Variants in MYO9B observed in about 807,000 individuals in gnomAD.
MYO9B encodes the protein unconventional myosin-IXb.
A neutral mutation model predicts 229.5 loss-of-function variants in MYO9B; 71 were observed. The observed-to-expected ratio is 0.31, with a 90% CI of 0.26 to 0.38. The LOEUF is 0.38. Ranked by LOEUF, MYO9B falls within the 10% of genes least tolerant of loss-of-function variation. The pLI, the probability that MYO9B is intolerant of heterozygous loss-of-function variation, is 1.00. For synonymous variants in MYO9B, 1,185 were observed against 1,235.8 expected, an observed-to-expected ratio of 0.96 and a Z score of 0.86; for missense variants, 2,255 against 2,920.5, an observed-to-expected ratio of 0.77 and a Z score of 5.25.
In MYO9B at chr19:17,159,489, G is replaced by T; in HGVS notation, c.1419+5G>T. ...CTTCCCTACAGCCTCAGCGAGGTGA[G>T]CTCTGCCCAGGCACTCACAGGGTGC... is the stretch of plus-strand genomic sequence containing the variant. On this transcript the variant is annotated splice_donor_5th_base_variant and intron_variant, in intron 8 of 39. Coordinates refer to ENST00000682292, the MANE Select transcript of MYO9B (RefSeq NM_004145.4). The T allele has an allele frequency of 6.2e-7, 1 of 1,604,582 alleles. No homozygotes were observed.
rs144050826 is a variant in MYO9B, at chr19:17,187,899, A to G, written c.2578-36A>G. On this transcript the variant is annotated intron_variant, in intron 18 of 39. Coordinates refer to ENST00000682292, the MANE Select transcript of MYO9B (RefSeq NM_004145.4). ...CAGACTTGGGCATCCTGTCAGGTCAAGGCCACCTGCCTGATGTCTCGCATT... is the reference window on the plus strand; with the variant it reads ...CAGACTTGGGCATCCTGTCAGGTCAGGGCCACCTGCCTGATGTCTCGCATT... 2,140 of 1,541,162 alleles carry G rather than the reference A, an allele frequency of 1.4e-3. 8 individuals carry two copies. The highest frequency in any genetic ancestry group is 9.1e-3 in the Middle Eastern group (50 of 5,520).
intron 3 of MYO9B, 131 bp from the exon 4 acceptor site, chr19:17,152,513 A>G (rs2072489447): frequency 3.0e-6 from 2 of 660,746 alleles, no homozygotes; most frequent in African/African-American, 3.8e-5. Context: ...CAGTGAGCCG[A>G]GATTGTGCCG....
Position 17,114,507 on chromosome 19 carries a change from G to C in MYO9B, c.840+11950G>C, listed in dbSNP as rs554260333. Among the ~76,000 whole-genome samples the C allele has an allele frequency of 3.7e-3, 569 of 151,998 alleles. 3 individuals are homozygous for C. The highest frequency in any genetic ancestry group is 5.9e-3 in the Non-Finnish European group (402 of 67,888). On this transcript the variant is annotated intron_variant, in intron 2 of 39. Coordinates refer to ENST00000682292, the MANE Select transcript of MYO9B (RefSeq NM_004145.4). Reference sequence around the variant, plus strand: ...TGAGGATCTGGCTTTCCAAGAGCCTGCTCTTCCAGGTGCACTGAGTGACGT... The same window carrying C: ...TGAGGATCTGGCTTTCCAAGAGCCTCCTCTTCCAGGTGCACTGAGTGACGT...
Position 17,212,262 on chromosome 19 carries a change from TC to T in MYO9B, c.6431del (p.Pro2144GlnfsTer19). The T allele has an allele frequency of 6.4e-7, 1 of 1,568,312 alleles. No homozygotes were observed. The highest frequency in any genetic ancestry group is 8.6e-7 in the Non-Finnish European group (1 of 1,163,062). The stretch of plus-strand genomic sequence containing the variant: ...CTGGGGCCAAGCGGAGGTACTCGGA[TC>T]CCCCAACGTACTGCCTGCCCCCCGC... ...PPGAKRRYSD[P>X]PTYCLPPASG... is the part of the protein sequence containing the mutation. On this transcript the variant is annotated frameshift_variant, in exon 40 of 40. Coordinates refer to ENST00000682292, the MANE Select transcript of MYO9B (RefSeq NM_004145.4). LOFTEE classifies it high-confidence loss of function. This position sits in a 1 kb window ranked among gnomAD's most constrained non-coding sequence, Gnocchi z 5.4.
chr19:17,153,585 A>C (rs1046535996), intron 4 of MYO9B, among the ~76,000 whole-genome samples: 2 of 151,194 alleles, frequency 1.3e-5, no homozygotes, highest in African/African-American at 4.9e-5. Context: ...AGTCCCAGCT[A>C]CTCAGGAGGC....
At position 17,210,795 on chromosome 19, in the gene MYO9B, G is replaced by C; in HGVS notation, c.5877G>C (p.Glu1959Asp). Reference sequence around the variant, plus strand: ...AGGAGGAGGCAGCCGGCGGCGATGAGGACCGGGAAAAGGAGATTCTCATTG... The same window carrying C: ...AGGAGGAGGCAGCCGGCGGCGATGACGACCGGGAAAAGGAGATTCTCATTG... ...LLEEEAAGGD[E>D]DREKEILIER... Residue 1959 changes from glutamate to aspartate, a missense_variant, in exon 38 of 40, where the codon GAG (glutamate) becomes GAC (aspartate). Glu to Asp is a conservative substitution (Grantham distance 45). Transcript: ENST00000682292. 6.3e-7 allele frequency: 1 copy of C among 1,593,060 alleles called. No homozygotes were observed. The highest frequency in any genetic ancestry group is 8.5e-7 in the Non-Finnish European group (1 of 1,170,342).
chr19:17,081,060 C>G (rs1291871914), intron 1 of MYO9B, among the ~76,000 whole-genome samples: 4 of 152,134 alleles, frequency 2.6e-5, no homozygotes, highest in East Asian at 3.8e-4. Flanking sequence ...CAGAGTCTCA[C>G]TCTGTCACCC....
rs1001545963 is a variant in MYO9B at position 17,163,032 on chromosome 19, C to A, written c.1581C>A (p.Phe527Leu). 1.2e-6 allele frequency: 2 copies of A among 1,606,962 alleles called. No individual in the cohort carries two copies. Among genetic ancestry groups the A allele is most frequent in the Non-Finnish European group, 1.7e-6 (2 of 1,176,844 alleles). ...TGGACATCTTCGGGTTTGAAGACTTCGAGAGGAACAGCTTTGAGCAGTTCT... is the reference window on the plus strand; with the variant it reads ...TGGACATCTTCGGGTTTGAAGACTTAGAGAGGAACAGCTTTGAGCAGTTCT... Reference protein sequence around the residue: ...GVLDIFGFEDFERNSFEQFCI... With the variant: ...GVLDIFGFEDLERNSFEQFCI... The change falls in exon 10 of 40, where the codon TTC (phenylalanine) becomes TTA (leucine). Residue 527 changes from phenylalanine (F) to leucine (L), a missense_variant. This residue lies in a region of MYO9B where 220 missense variants were observed against 404.5 expected (regional missense o/e 0.54). Transcript: ENST00000682292.
At chr19:17,173,005 GA>G (rs1203633128) in intron 13 of MYO9B, 42 bp downstream of exon 13, 3 of 1,584,460 alleles carry the variant, frequency 1.9e-6, no homozygotes, top group African/African-American at 2.7e-5. Context: ...TCACTGTCGA[GA>G]GGGGGGCACA....
chr19:17,208,591 C>G (rs764350751), intron 35 of MYO9B, among the ~76,000 whole-genome samples: 1 of 151,790 alleles, frequency 6.6e-6, no homozygotes, highest in Non-Finnish European at 1.5e-5. Context: ...ACCACCACGC[C>G]CGGCTAATTT....
At chr19:17,107,780 A>G (rs1446797331) in intron 2 of MYO9B, among the ~76,000 whole-genome samples, 1 of 152,172 alleles carries the variant, frequency 6.6e-6, no homozygotes, top group Admixed American at 6.5e-5. Context: ...GACACCACTC[A>G]TGGGATGTAG....
Position 17,202,866 on chromosome 19 carries a change from C to T in MYO9B, c.4861C>T (p.Arg1621Trp), listed in dbSNP as rs373284114. The change falls in exon 29 of 40, where the codon CGG becomes TGG. Residue 1621 changes from arginine (R) to tryptophan (W), a missense_variant. By Grantham distance (101) the Arg-to-Trp change is moderately radical (BLOSUM62 -3). Transcript: ENST00000682292. The part of the protein sequence containing the change: ...VKQSKAQKKK[R>W]KQERAVQEHN... ...GCAGAGCAAAGCTCAGAAGAAGAAG[C>T]GGAAGCAGGAGCGTGCTGTGAGTAG... is the stretch of plus-strand genomic sequence containing the variant. The T allele has an allele frequency of 3.6e-5, 57 of 1,601,858 alleles. No individual in the cohort carries two copies. The Middle Eastern group carries it at 1.2e-3, about 33-fold the overall frequency.
chr19:17,138,021 A>C (rs1413660403), intron 2 of MYO9B, among the ~76,000 whole-genome samples: 1 of 151,906 alleles, frequency 6.6e-6, no homozygotes. Flanking sequence ...CACCTACATT[A>C]GGTATTTCTC....
intron 2 of MYO9B, among the ~76,000 whole-genome samples, chr19:17,116,533 A>G (rs2145103229): frequency 6.6e-6 from 1 of 152,238 alleles, no homozygotes; most frequent in South Asian, 2.1e-4. Context: ...GGCGGCTGGG[A>G]ACAAGGCAGT....
At chr19:17,120,948 G>C (rs543574247) in intron 2 of MYO9B, among the ~76,000 whole-genome samples, 21 of 152,210 alleles carry the variant, frequency 1.4e-4, no homozygotes, top group South Asian at 8.3e-4. Flanking sequence ...GGGGTTTCTT[G>C]TTGTTGTTTT....
intron 30 of MYO9B, 62 bp downstream of exon 30, chr19:17,203,320 A>C: frequency 4.5e-6 from 6 of 1,330,072 alleles, no homozygotes; most frequent in African/African-American, 1.5e-5. Flanking sequence ...CTCACTGCTC[A>C]AGAGGTCTTC....
At chr19:17,166,566 A>T (rs2072662113) in intron 10 of MYO9B, among the ~76,000 whole-genome samples, 1 of 151,638 alleles carries the variant, frequency 6.6e-6, no homozygotes, top group Non-Finnish European at 1.5e-5. Flanking sequence ...AACTTGTGTC[A>T]TGGGGGTTTG....
intron 1 of MYO9B, among the ~76,000 whole-genome samples, chr19:17,096,499 T>A (rs1257514978): frequency 4.0e-5 from 6 of 149,656 alleles, no homozygotes; most frequent in Admixed American, 3.3e-4. Context: ...AAAAAAAAAA[T>A]ACAAAAATTA....
intron 2 of MYO9B, among the ~76,000 whole-genome samples, chr19:17,119,142 C>A (rs1331500338): frequency 6.6e-6 from 1 of 152,234 alleles, no homozygotes; most frequent in East Asian, 1.9e-4. Context: ...TCTGTTCTGC[C>A]TCCTGATCTC....
Sources: allele counts gnomAD v4.1 joint callset (sites outside exome capture counted in the v4.1 genomes callset), GRCh38; gene constraint gnomAD v4.1.1; regional missense constraint gnomAD v4.1.1; non-coding constraint Gnocchi (gnomAD v3.1); transcripts MANE v1.5; gene names NCBI Gene and HGNC (gene_info 2026-07-23, HGNC 2026-07-21).